Variants in LRRC4C observed in about 807,000 individuals in gnomAD.
LRRC4C encodes leucine-rich repeat-containing protein 4C.
In LRRC4C, 5 loss-of-function variants were observed where a neutral mutation model predicts 33.6. The ratio of observed to expected loss-of-function variants is 0.15; its 90% confidence interval spans 0.08 to 0.31. LRRC4C has a LOEUF of 0.31. Ranked by LOEUF, LRRC4C falls within the 10% of genes least tolerant of loss-of-function variation. The probability of loss-of-function intolerance (pLI) is 1.00; values close to 1 mark genes in which losing one functional copy is unlikely to be tolerated. For missense variants in LRRC4C, 560 were observed against 796.7 expected, an observed-to-expected ratio of 0.70 and a Z score of 3.58; for synonymous variants, 329 against 302.0, an observed-to-expected ratio of 1.09 and a Z score of -0.93.
chr11:40,373,041 T>C (rs1389894654), intron 3 of LRRC4C, among the ~76,000 whole-genome samples: 1 of 152,198 alleles, frequency 6.6e-6, no homozygotes, highest in African/African-American at 2.4e-5. Flanking sequence ...AGCTAGTTCT[T>C]CCTATGCATA....
intron 1 of LRRC4C, among the ~76,000 whole-genome samples, chr11:41,274,090 C>T (rs1157653989): frequency 1.3e-5 from 2 of 151,900 alleles, no homozygotes; most frequent in East Asian, 3.9e-4. Context: ...GCATGCATGG[C>T]ATGTCAGGAA....
chr11:40,472,964 A>G (rs1291515200), intron 3 of LRRC4C, among the ~76,000 whole-genome samples: 1 of 152,234 alleles, frequency 6.6e-6, no homozygotes, highest in Non-Finnish European at 1.5e-5. Context: ...GCAGTAATTA[A>G]TAGCCTACCA....
intron 1 of LRRC4C, among the ~76,000 whole-genome samples, chr11:41,052,610 T>C (rs188907937): frequency 6.6e-6 from 1 of 151,378 alleles, no homozygotes; most frequent in African/African-American, 2.5e-5. Context: ...TAATTTATTA[T>C]AGAAAAAAAT....
chr11:40,123,838 A>G (rs770940661), intron 6 of LRRC4C, among the ~76,000 whole-genome samples: 14 of 152,280 alleles, frequency 9.2e-5, no homozygotes, highest in Middle Eastern at 3.4e-3. Context: ...ACTTCAAATT[A>G]TACTACAGAG....
intron 1 of LRRC4C, among the ~76,000 whole-genome samples, chr11:40,955,925 G>C (rs1393167512): frequency 2.0e-5 from 3 of 151,794 alleles, no homozygotes; most frequent in African/African-American, 7.2e-5. Flanking sequence ...AAGTTCCATA[G>C]GGACACTATG....
At chr11:41,341,057 G>T (rs776191959) in intron 1 of LRRC4C, among the ~76,000 whole-genome samples, 2 of 151,372 alleles carry the variant, frequency 1.3e-5, no homozygotes, top group African/African-American at 4.8e-5. Flanking sequence ...GAGAGAAAAG[G>T]TTAGCAAACA....
intron 2 of LRRC4C, among the ~76,000 whole-genome samples, chr11:40,922,805 T>A (rs530100072): frequency 3.3e-4 from 51 of 152,334 alleles, no homozygotes; most frequent in African/African-American, 1.2e-3. Flanking sequence ...ATAGGTGAAG[T>A]GAATTTTACA....
chr11:40,513,511 A>G (rs1955429136), intron 3 of LRRC4C, among the ~76,000 whole-genome samples: 1 of 152,118 alleles, frequency 6.6e-6, no homozygotes, highest in Non-Finnish European at 1.5e-5. Flanking sequence ...ATAAGTACAC[A>G]GGGCTGCAAG....
At chr11:41,328,507 C>G (rs1440981521) in intron 1 of LRRC4C, among the ~76,000 whole-genome samples, 1 of 152,102 alleles carries the variant, frequency 6.6e-6, no homozygotes, top group Non-Finnish European at 1.5e-5. Flanking sequence ...ACACTCCACC[C>G]AGGCCAACAC....
At chr11:40,705,500 T>A (rs1015488616) in intron 2 of LRRC4C, among the ~76,000 whole-genome samples, 1 of 141,432 alleles carries the variant, frequency 7.1e-6, no homozygotes, top group Non-Finnish European at 1.6e-5. Context: ...AATGATGGTT[T>A]CCAGCTTCAT....
Position 40,657,361 on chromosome 11 carries a change from T to A in LRRC4C, c.-406-9083A>T, listed in dbSNP as rs535784460. Among the ~76,000 whole-genome samples, 6 of 152,330 alleles carry A rather than the reference T, an allele frequency of 3.9e-5. No individual in the cohort carries two copies. In the East Asian group the frequency reaches 7.7e-4, roughly 20 times the overall value. ...ATTTAAATGTGAATATGTGCTACAC[T>A]GTAAGATGCTTCAAACAGAGCCATG... On this transcript the variant is annotated intron_variant, in intron 2 of 6. Transcript: ENST00000528697.
chr11:40,275,113 A>G (rs1366725034), intron 4 of LRRC4C, among the ~76,000 whole-genome samples: 1 of 152,154 alleles, frequency 6.6e-6, no homozygotes, highest in Non-Finnish European at 1.5e-5. Flanking sequence ...ACCTTTAACA[A>G]GAGGATATTT....
In LRRC4C at chr11:40,440,829, ATT is replaced by A. The variant is rs1951358630; in HGVS notation, c.-269-121110_-269-121109del. Among the ~76,000 whole-genome samples the A allele has an allele frequency of 2.6e-5, 4 of 151,202 alleles. No homozygotes were observed. In the South Asian group the frequency reaches 8.3e-4, roughly 32 times the overall value. ...GCACCAGGCTGAAGGGAGTCCGCTC[ATT>A]TTGTGCACAGCTGCAATCTCTTAGC... On this transcript the variant is annotated intron_variant, in intron 3 of 6. Coordinates refer to ENST00000528697, the MANE Select transcript of LRRC4C (RefSeq NM_001258419.2).
intron 2 of LRRC4C, among the ~76,000 whole-genome samples, chr11:40,847,420 A>G (rs1953239906): frequency 1.3e-5 from 2 of 151,912 alleles, no homozygotes; most frequent in South Asian, 4.2e-4. Flanking sequence ...GGTTTTTGTC[A>G]TTGTTTCTGT....
intron 2 of LRRC4C, among the ~76,000 whole-genome samples, chr11:40,759,363 A>C (rs780999963): frequency 6.6e-6 from 1 of 151,008 alleles, no homozygotes; most frequent in African/African-American, 2.4e-5. Flanking sequence ...CCTCAGTGAT[A>C]ATTTAAGTGG....
chr11:41,176,773 G>GGCTGGTGTTTCATTTTGGA (rs1945216724), intron 1 of LRRC4C, among the ~76,000 whole-genome samples: 2 of 151,970 alleles, frequency 1.3e-5, no homozygotes, highest in Non-Finnish European at 2.9e-5. Flanking sequence ...GACCAGCCTG[G>GGCTGGTGTTTCATTTTGGA]GCAACGTGGT....
chr11:40,250,991 T>C (rs1313657350), intron 4 of LRRC4C, among the ~76,000 whole-genome samples: 1 of 152,136 alleles, frequency 6.6e-6, no homozygotes, highest in East Asian at 1.9e-4. Flanking sequence ...TGAGATAGAA[T>C]TGTCTTTTCA....
chr11:40,403,192 A>C (rs1949826983), intron 3 of LRRC4C, among the ~76,000 whole-genome samples: 1 of 152,112 alleles, frequency 6.6e-6, no homozygotes, highest in African/African-American at 2.4e-5. Context: ...GCCATATCAT[A>C]TGATTCTATT....
chr11:41,279,381 A>AACACACACACACACACACACACACAC (rs575973002), intron 1 of LRRC4C, among the ~76,000 whole-genome samples: 1 of 126,384 alleles, frequency 7.9e-6, no homozygotes, highest in Non-Finnish European at 1.6e-5. Context: ...CACACACACA[A>AACACACACACACACACACACACACAC]ACACACACAC....
Sources: allele counts gnomAD v4.1 joint callset (sites outside exome capture counted in the v4.1 genomes callset), GRCh38; gene constraint gnomAD v4.1.1; transcripts MANE v1.5; gene names NCBI Gene and HGNC (gene_info 2026-07-23, HGNC 2026-07-21).